Variants in FHAD1 observed in about 807,000 individuals in gnomAD.
The protein encoded by FHAD1 is forkhead-associated domain-containing protein 1.
FHAD1 carries 146 observed loss-of-function variants against 191.3 expected under a neutral mutation model. The observed-to-expected ratio is 0.76, with a 90% CI of 0.67 to 0.88. The LOEUF (loss-of-function observed/expected upper bound fraction) is 0.88, where lower values mean the gene tolerates loss of function less well. Ranked by LOEUF, FHAD1 falls within the 40% of genes least tolerant of loss-of-function variation. FHAD1 has a pLI of 0.00. For synonymous variants in FHAD1, 616 were observed against 672.3 expected (o/e 0.92, Z 1.29); for missense variants, 1,635 against 1,785.8 (o/e 0.92, Z 1.52).
Position 15,395,264 on chromosome 1 carries a change from C to T in FHAD1, c.4324-2033C>T, listed in dbSNP as rs959464403. Among the ~76,000 whole-genome samples the T allele has an allele frequency of 5.4e-5, 8 of 148,980 alleles. No individual in the cohort carries two copies. The East Asian group carries it at 5.9e-4, about 11-fold the overall frequency. On this transcript the variant is annotated intron_variant, in intron 33 of 33. Coordinates refer to ENST00000688493, the MANE Select transcript of FHAD1 (RefSeq NM_001391957.1). ...GGGAGGCGGAGGTGAGCAGAGATCACGCCACTGCAGTCCAGCCTGGGCGAC... is the reference window on the plus strand; with the variant it reads ...GGGAGGCGGAGGTGAGCAGAGATCATGCCACTGCAGTCCAGCCTGGGCGAC...
At chr1:15,380,048 C>T (rs755742175) in intron 28 of FHAD1, among the ~76,000 whole-genome samples, 1 of 152,116 alleles carries the variant, frequency 6.6e-6, no homozygotes, top group Non-Finnish European at 1.5e-5. Context: ...GTTTCCGCTG[C>T]GTGAAAATGG....
Position 15,329,605 on chromosome 1 carries a change from T to C in FHAD1, c.1906+64T>C, listed in dbSNP as rs1193728217. The C allele has an allele frequency of 1.4e-6, 2 of 1,428,614 alleles. No homozygotes were observed. Among genetic ancestry groups the C allele is most frequent in the African/African-American group, 2.8e-5 (2 of 70,724 alleles). 88.5% of individuals were successfully genotyped at this position (1,428,614 alleles called of 1,614,324 possible). Reference sequence around the variant, plus strand: ...TAAAATGTCGCGTTGAATCTCAGCATGATGGGACATCTGTTGAGGAAGTCT... The same window carrying C: ...TAAAATGTCGCGTTGAATCTCAGCACGATGGGACATCTGTTGAGGAAGTCT... On this transcript the variant is annotated intron_variant, in intron 14 of 33. Transcript: ENST00000688493. The surrounding 1 kb of genome is among the most constrained non-coding windows in gnomAD (Gnocchi z 5.0).
At chr1:15,249,419 G>A (rs947318628) in intron 1 of FHAD1, among the ~76,000 whole-genome samples, 1 of 152,180 alleles carries the variant, frequency 6.6e-6, no homozygotes, top group African/African-American at 2.4e-5. Context: ...TTTGGATGTG[G>A]TGCTTGATGA....
At chr1:15,317,256 G>C (rs1228163490) in intron 9 of FHAD1, among the ~76,000 whole-genome samples, 1 of 152,100 alleles carries the variant, frequency 6.6e-6, no homozygotes, top group Non-Finnish European at 1.5e-5. Context: ...ATGAAAATAA[G>C]ACCATTAAAA....
At chr1:15,271,899 A>T (rs1462958323) in intron 2 of FHAD1, among the ~76,000 whole-genome samples, 1 of 152,178 alleles carries the variant, frequency 6.6e-6, no homozygotes, top group African/African-American at 2.4e-5. Flanking sequence ...ACCCATGTGG[A>T]GTCAGGGAAA....
rs1349533882 is a variant in FHAD1, at chr1:15,374,484, G to A, written c.3448-18G>A. The A allele has an allele frequency of 9.7e-6, 15 of 1,551,268 alleles. No homozygotes were observed. Among genetic ancestry groups the A allele is most frequent in the Admixed American group, 3.9e-5 (2 of 50,936 alleles). ...TCTAATCCCTGATCAAATGCTGCCC[G>A]CCCCATTCTGCCCACAGCAGCAATC... is the stretch of plus-strand genomic sequence containing the variant. On this transcript the variant is annotated intron_variant, in intron 26 of 33. Coordinates refer to ENST00000688493, the MANE Select transcript of FHAD1 (RefSeq NM_001391957.1).
intron 10 of FHAD1, among the ~76,000 whole-genome samples, chr1:15,319,986 T>C (rs897087582): frequency 5.3e-5 from 8 of 152,252 alleles, no homozygotes; most frequent in African/African-American, 1.9e-4. Flanking sequence ...AAATGCTCTC[T>C]GGGCTATCAA....
At position 15,324,759 on chromosome 1, in the gene FHAD1, G is replaced by T. The variant is rs1050205214; in HGVS notation, c.1473+200G>T. ...CTTAACAGGTTTCTGCTGCTGGGAG[G>T]CCTCCCACTCGAATAGTTTACGATG... On this transcript the variant is annotated intron_variant, in intron 11 of 33. Transcript: ENST00000688493. The T allele has an allele frequency of 8.6e-6, 5 of 584,714 alleles. No individual in the cohort carries two copies. The Admixed American group carries it at 8.9e-5, about 10-fold the overall frequency. 36.2% of individuals were successfully genotyped at this position (584,714 alleles called of 1,614,324 possible).
chr1:15,313,351 G>A (rs1672906947), intron 8 of FHAD1, among the ~76,000 whole-genome samples, 164 bp downstream of exon 8: 1 of 150,942 alleles, frequency 6.6e-6, no homozygotes, highest in Non-Finnish European at 1.5e-5. Context: ...GGTGGGCGTT[G>A]GGGGCAAAAC....
intron 31 of FHAD1, chr1:15,383,097 T>G: frequency 2.1e-6 from 1 of 471,744 alleles, no homozygotes; most frequent in Non-Finnish European, 4.4e-6. Context: ...CCCGCACTTA[T>G]TAACTGTGCG....
intron 2 of FHAD1, among the ~76,000 whole-genome samples, chr1:15,269,480 T>G (rs1392494407): frequency 6.6e-6 from 1 of 152,252 alleles, no homozygotes; most frequent in Non-Finnish European, 1.5e-5. Flanking sequence ...CCTATCTTTC[T>G]GTTACTGATT....
At chr1:15,286,301 G>A (rs1226882909) in intron 3 of FHAD1, among the ~76,000 whole-genome samples, 1 of 151,938 alleles carries the variant, frequency 6.6e-6, no homozygotes, top group East Asian at 1.9e-4. Flanking sequence ...CCAGGAGTTT[G>A]TGACTAGCCT....
At chr1:15,239,879 T>A (rs1309950951) in intron 1 of FHAD1, among the ~76,000 whole-genome samples, 1 of 152,218 alleles carries the variant, frequency 6.6e-6, no homozygotes, top group Non-Finnish European at 1.5e-5. Flanking sequence ...TGTCAGAATC[T>A]TTTAAAGCTG....
At position 15,312,592 on chromosome 1, in the gene FHAD1, G is replaced by A. The variant is rs1672623216; in HGVS notation, c.1040-465G>A. On this transcript the variant is annotated intron_variant, in intron 7 of 33. Coordinates refer to ENST00000688493, the MANE Select transcript of FHAD1 (RefSeq NM_001391957.1). The surrounding 1 kb of genome is among the most constrained non-coding windows in gnomAD (Gnocchi z 4.7). ...CAGGAGGATCGCCTGAGTCCAGGAG[G>A]TCGAGGCTGTAGTGAACCATGATCG... Among the ~76,000 whole-genome samples the A allele has an allele frequency of 6.6e-6, 1 of 152,220 alleles. No homozygotes were observed. Among genetic ancestry groups the A allele is most frequent in the Admixed American group, 6.5e-5 (1 of 15,284 alleles).
intron 20 of FHAD1, 68 bp downstream of exon 20, chr1:15,353,052 G>C (rs1691435559): frequency 1.6e-6 from 2 of 1,220,692 alleles, no homozygotes; most frequent in Non-Finnish European, 2.3e-6. Flanking sequence ...CTAGAGCCAG[G>C]CTCTGGGTTC....
chr1:15,278,493 A>T (rs113687437), intron 3 of FHAD1, among the ~76,000 whole-genome samples: 17 of 55,336 alleles, frequency 3.1e-4, no homozygotes, highest in African/African-American at 1.8e-3. Context: ...TTTTTTTTTG[A>T]GACGGAGTCT....
intron 3 of FHAD1, among the ~76,000 whole-genome samples, chr1:15,284,637 C>T (rs1278037406): frequency 2.6e-5 from 4 of 152,266 alleles, no homozygotes; most frequent in Admixed American, 6.5e-5. Flanking sequence ...TTAGGGTGTC[C>T]TTCTCACCCT....
chr1:15,344,939 G>A, intron 16 of FHAD1, 144 bp from the exon 17 acceptor site: 1 of 652,202 alleles, frequency 1.5e-6, no homozygotes, highest in Non-Finnish European at 2.7e-6. Flanking sequence ...CAGAGCACAT[G>A]CTCTGAGCTC....
At chr1:15,315,822 T>C (rs1674257636) in intron 8 of FHAD1, among the ~76,000 whole-genome samples, 1 of 152,158 alleles carries the variant, frequency 6.6e-6, no homozygotes, top group South Asian at 2.1e-4. Context: ...CTAACAATAC[T>C]CTCAAAAACA....
Sources: allele counts gnomAD v4.1 joint callset (sites outside exome capture counted in the v4.1 genomes callset), GRCh38; gene constraint gnomAD v4.1.1; non-coding constraint Gnocchi (gnomAD v3.1); transcripts MANE v1.5; gene names NCBI Gene and HGNC (gene_info 2026-07-23, HGNC 2026-07-21).